Variants in DNAJC5 observed in about 807,000 individuals in gnomAD.
DNAJC5 encodes the protein dnaJ homolog subfamily C member 5.
In DNAJC5, 1 loss-of-function variant was observed where a neutral mutation model predicts 23.2. The ratio of observed to expected loss-of-function variants is 0.04; its 90% CI spans 0.02 to 0.20. DNAJC5 has a LOEUF of 0.20. DNAJC5 is among the 10% of genes least tolerant of loss of function. The probability of loss-of-function intolerance (pLI) is 1.00; values close to 1 mark genes in which losing one functional copy is unlikely to be tolerated. For synonymous variants in DNAJC5, 136 were observed against 120.0 expected (o/e 1.13, Z -0.87); for missense variants, 180 against 267.0 (o/e 0.67, Z 2.27).
In DNAJC5 at chr20:63,929,169, C is replaced by T. The variant is rs1383304589; in HGVS notation, c.108-143C>T. 1.0e-6 allele frequency: 1 copy of T among 973,612 alleles called. No individual in the cohort carries two copies. The allele number at this position is 973,612 out of a possible 1,614,324, so 60.3% of individuals were successfully genotyped here. On this transcript the variant is annotated intron_variant, in intron 2 of 4. Coordinates refer to ENST00000360864, the MANE Select transcript of DNAJC5 (RefSeq NM_025219.3). This position sits in a 1 kb window ranked among gnomAD's most constrained non-coding sequence, Gnocchi z 8.6. ...TTGCTTTTGTCCCTGGCCCCTGCAG[C>T]CCTGGAGAGTCGGACAGTGAGGTGG...
intron 1 of DNAJC5, among the ~76,000 whole-genome samples, chr20:63,923,044 G>A (rs771461413): frequency 1.3e-5 from 2 of 152,132 alleles, no homozygotes; most frequent in Non-Finnish European, 2.9e-5. Flanking sequence ...AGGAGGCTAC[G>A]GCAGGAGAAT....
intron 1 of DNAJC5, among the ~76,000 whole-genome samples, chr20:63,902,874 T>C (rs907670440): frequency 2.0e-5 from 3 of 150,834 alleles, no homozygotes; most frequent in Non-Finnish European, 4.4e-5. Flanking sequence ...AGACGGGATT[T>C]CATCGTGTTA....
intron 1 of DNAJC5, among the ~76,000 whole-genome samples, chr20:63,910,888 G>T (rs1363319376): frequency 6.6e-6 from 1 of 152,034 alleles, no homozygotes. Context: ...GGCCAGGCTG[G>T]TCTATCTCCT....
At chr20:63,924,694 C>A (rs1237147179) in intron 1 of DNAJC5, among the ~76,000 whole-genome samples, 1 of 152,370 alleles carries the variant, frequency 6.6e-6, no homozygotes, top group South Asian at 2.1e-4. Flanking sequence ...TCTAAAAATA[C>A]AAAAATTAGC....
At chr20:63,913,793 G>C (rs1179317996) in intron 1 of DNAJC5, among the ~76,000 whole-genome samples, 1 of 152,128 alleles carries the variant, frequency 6.6e-6, no homozygotes, top group Non-Finnish European at 1.5e-5. Flanking sequence ...TTGACCACCT[G>C]GTCTCAAACT....
At chr20:63,927,458 T>C (rs1251193451) in intron 1 of DNAJC5, among the ~76,000 whole-genome samples, 1 of 152,180 alleles carries the variant, frequency 6.6e-6, no homozygotes, top group Non-Finnish European at 1.5e-5. Flanking sequence ...GAGCATTGCT[T>C]GAACCGGGGA....
intron 1 of DNAJC5, among the ~76,000 whole-genome samples, chr20:63,900,674 A>T (rs1355936892): frequency 6.6e-6 from 1 of 151,964 alleles, no homozygotes; most frequent in Non-Finnish European, 1.5e-5. Flanking sequence ...TTGTTGCAAC[A>T]TCATTCTACA....
chr20:63,932,147 G>T lies in DNAJC5; in HGVS notation c.*579G>T, dbSNP rs964038424. On this transcript the variant is annotated 3_prime_UTR_variant, in exon 5 of 5. Transcript: ENST00000360864. The surrounding 1 kb of genome is among the most constrained non-coding windows in gnomAD (Gnocchi z 4.4). The stretch of plus-strand genomic sequence containing the variant: ...TCACCGGCGTCACTGTCATTCCTTG[G>T]TGTCTGTGCTGGGCATGGTTGGCTT... The T allele has an allele frequency of 2.1e-4, 38 of 180,724 alleles. No individual in the cohort carries two copies. Among genetic ancestry groups the T allele is most frequent in the Middle Eastern group, 2.8e-3 (1 of 360 alleles). The allele number at this position is 180,724 out of a possible 1,614,324, so 11.2% of individuals were successfully genotyped here.
chr20:63,929,292 G>T lies in DNAJC5; in HGVS notation c.108-20G>T. On this transcript the variant is annotated intron_variant, in intron 2 of 4. Coordinates refer to ENST00000360864, the MANE Select transcript of DNAJC5 (RefSeq NM_025219.3). This position sits in a 1 kb window ranked among gnomAD's most constrained non-coding sequence, Gnocchi z 8.6. ...GGAACAAAGTCCAGGGTAGAGCCAG[G>T]ACATGGTTTTGGTTTGCAGGAAGCT... The T allele has an allele frequency of 6.2e-7, 1 of 1,609,638 alleles. No individual in the cohort carries two copies.
chr20:63,912,000 T>G (rs1289474754), intron 1 of DNAJC5, among the ~76,000 whole-genome samples: 2 of 152,008 alleles, frequency 1.3e-5, no homozygotes, highest in East Asian at 3.9e-4. Context: ...CATTTGAAAT[T>G]CATTTTAAGT....
At chr20:63,926,664 G>T (rs2053618723) in intron 1 of DNAJC5, among the ~76,000 whole-genome samples, 1 of 152,224 alleles carries the variant, frequency 6.6e-6, no homozygotes, top group African/African-American at 2.4e-5. Context: ...GAGACACGTG[G>T]CCCCGCTCAG....
At chr20:63,908,053 A>G (rs1392386008) in intron 1 of DNAJC5, among the ~76,000 whole-genome samples, 1 of 152,234 alleles carries the variant, frequency 6.6e-6, no homozygotes, top group African/African-American at 2.4e-5. Context: ...GGCGTGAGCC[A>G]CTGCGCCTGG....
chr20:63,899,728 G>C (rs1040872896), intron 1 of DNAJC5, among the ~76,000 whole-genome samples: 3 of 150,576 alleles, frequency 2.0e-5, no homozygotes, highest in South Asian at 2.1e-4. Context: ...ACTACAGGCG[G>C]TCGCCACCAC....
Position 63,931,053 on chromosome 20 carries a change from G to T in DNAJC5, c.493+31G>T, listed in dbSNP as rs778967672. 2 of 1,609,532 alleles carry T rather than the reference G, an allele frequency of 1.2e-6. No homozygotes were observed. The highest frequency in any genetic ancestry group is 1.7e-6 in the Non-Finnish European group (2 of 1,177,232). On this transcript the variant is annotated intron_variant, in intron 4 of 4. Coordinates refer to ENST00000360864, the MANE Select transcript of DNAJC5 (RefSeq NM_025219.3). This position sits in a 1 kb window ranked among gnomAD's most constrained non-coding sequence, Gnocchi z 9.6. ...TGCCCGCCCCAGGGCCCGTGTGTGT[G>T]TGTGGGGCAGAGCCAGAATGGGCCC...
intron 1 of DNAJC5, among the ~76,000 whole-genome samples, chr20:63,924,578 G>C (rs565918249): frequency 6.6e-6 from 1 of 152,308 alleles, no homozygotes; most frequent in South Asian, 2.1e-4. Context: ...AAAAAACCGG[G>C]CACGGTGGCT....
intron 1 of DNAJC5, among the ~76,000 whole-genome samples, chr20:63,910,118 G>T (rs62218069): frequency 1.7e-3 from 254 of 152,296 alleles, no homozygotes; most frequent in Non-Finnish European, 1.8e-3. Context: ...GTTCCTGGGG[G>T]TGCTTGCTTG....
At chr20:63,924,602 G>A (rs1469672559) in intron 1 of DNAJC5, among the ~76,000 whole-genome samples, 4 of 151,432 alleles carry the variant, frequency 2.6e-5, no homozygotes, top group Non-Finnish European at 1.5e-5. Flanking sequence ...GCCTGTAATC[G>A]CAGCACTTTG....
intron 1 of DNAJC5, among the ~76,000 whole-genome samples, chr20:63,925,824 G>GT (rs1568987223): frequency 2.2e-5 from 3 of 136,826 alleles, no homozygotes; most frequent in Non-Finnish European, 3.0e-5. Context: ...AATTTTATCT[G>GT]GTTTTTTTTT....
intron 1 of DNAJC5, among the ~76,000 whole-genome samples, chr20:63,899,204 A>T (rs780545090): frequency 1.7e-4 from 26 of 152,352 alleles, no homozygotes; most frequent in Non-Finnish European, 3.1e-4. Context: ...AAAGAGGCTG[A>T]AAAACAGTAA....
Sources: gnomAD v4.1 joint callset for allele counts (sites outside exome capture counted in the v4.1 genomes callset) on GRCh38, gnomAD v4.1.1 for gene constraint, Gnocchi (gnomAD v3.1) non-coding constraint, MANE v1.5 for transcripts, NCBI Gene and HGNC (gene_info 2026-07-23, HGNC 2026-07-21) for gene names.